The following DMKN variants were observed in gnomAD, a reference collection of about 807,000 sequenced individuals.
The protein encoded by DMKN is dermokine.
Under a neutral mutation model 67.6 loss-of-function variants are expected in DMKN, and 58 were observed. The ratio of observed to expected loss-of-function variants is 0.86; its 90% CI spans 0.69 to 1.07. The LOEUF (loss-of-function observed/expected upper bound fraction) is 1.07. Among genes scored for constraint, DMKN ranks in the 50% least tolerant of loss-of-function variants. The pLI is 0.00. For synonymous variants in DMKN, 240 were observed against 232.3 expected (o/e 1.03, Z -0.30); for missense variants, 596 against 601.5 (o/e 0.99, Z 0.10).
At chr19:35,501,194 C>A (rs1398199679) in intron 11 of DMKN, among the ~76,000 whole-genome samples, 1 of 152,180 alleles carries the variant, frequency 6.6e-6, no homozygotes, top group Non-Finnish European at 1.5e-5. Context: ...GGCTTCTCCA[C>A]TTGGACCGTC....
At chr19:35,510,651 G>A (rs2070587660) in intron 5 of DMKN, 2 of 1,220,560 alleles carry the variant, frequency 1.6e-6, no homozygotes, top group South Asian at 3.1e-5. Flanking sequence ...CTAGATGGGG[G>A]AGAGGAGGAT....
intron 11 of DMKN, among the ~76,000 whole-genome samples, chr19:35,500,989 G>A (rs1176490135): frequency 1.3e-5 from 2 of 152,226 alleles, no homozygotes; most frequent in East Asian, 1.9e-4. Flanking sequence ...CCCACAGGGT[G>A]CTTGAAGGAG....
chr19:35,507,357 GC>G, intron 7 of DMKN: 1 of 1,209,794 alleles, frequency 8.3e-7, no homozygotes, highest in Non-Finnish European at 1.2e-6. Flanking sequence ...ATTCAGAGCA[GC>G]TTGCAAGAAG....
At chr19:35,506,711 A>C in intron 7 of DMKN, 1 of 338,100 alleles carries the variant, frequency 3.0e-6, no homozygotes, top group South Asian at 2.3e-5. Context: ...TGATTTTAAT[A>C]TATATCTTAA....
At position 35,511,474 on chromosome 19, in the gene DMKN, G is replaced by C. The variant is rs761359169; in HGVS notation, c.855C>G (p.Ser285Arg). 8 of 934,684 alleles carry C rather than the reference G, an allele frequency of 8.6e-6. No individual in the cohort carries two copies. The highest frequency in any genetic ancestry group is 8.5e-6 in the Non-Finnish European group (6 of 705,600). 57.9% of individuals were successfully genotyped at this position (934,684 alleles called of 1,614,324 possible). A position where few individuals can be genotyped will look rare whatever the true frequency, so the allele number is the denominator to read the frequency against. ...GSSSGGSSGG[S>R]SGGSSGNSGG... ...CACTGTTGCCACTGCTGCCACCACTGCTGCCGCCACTGCTGCCGCCACTGC... is the reference window on the plus strand; with the variant it reads ...CACTGTTGCCACTGCTGCCACCACTCCTGCCGCCACTGCTGCCGCCACTGC... The change falls in exon 5 of 16, where the codon AGC becomes AGG. Residue 285 changes from serine to arginine, a missense_variant. Ser to Arg is a moderately radical substitution (Grantham distance 110). Transcript: ENST00000339686.
At chr19:35,500,635 G>T in intron 11 of DMKN, 55 bp from the exon 12 acceptor site, 1 of 1,557,120 alleles carries the variant, frequency 6.4e-7, no homozygotes, top group Non-Finnish European at 8.7e-7. Flanking sequence ...GGGCATTGCC[G>T]GGCTTTCAGA....
chr19:35,511,620 G>A (rs755360129), intron 4 of DMKN, 27 bp from the exon 5 acceptor site: 7 of 1,609,090 alleles, frequency 4.4e-6, no homozygotes, highest in South Asian at 3.3e-5. Flanking sequence ...GAGCAGGGCT[G>A]GGATTAAAGA....
chr19:35,501,917 C>T (rs2145911749), intron 11 of DMKN: 1 of 1,567,998 alleles, frequency 6.4e-7, no homozygotes, highest in East Asian at 2.4e-5. Flanking sequence ...CTTGTGGAGG[C>T]CCCAGCCCTC....
intron 11 of DMKN, among the ~76,000 whole-genome samples, chr19:35,500,860 GC>G (rs1223677430): frequency 6.6e-6 from 1 of 152,228 alleles, no homozygotes; most frequent in Non-Finnish European, 1.5e-5. Context: ...CAAGTGAGCT[GC>G]AGCCATGCAG....
At chr19:35,501,522 T>C (rs2068358916) in intron 11 of DMKN, among the ~76,000 whole-genome samples, 1 of 152,208 alleles carries the variant, frequency 6.6e-6, no homozygotes, top group Admixed American at 6.5e-5. Flanking sequence ...TCCAGCCTCA[T>C]ATACTTGGCA....
rs1382580036 is a variant in DMKN, at chr19:35,510,241, G to A, written c.930C>T (p.Thr310=). ...SGSESSWGSS[T]GSSSGNHGGS... ...CACCGTGGTTGCCGGAGGAGGAGCC[G>A]GTGCTGGATCCCTGCAGGGGAAAGC... Residue 310 remains threonine, a synonymous_variant, in exon 6 of 16, where the codon ACC becomes ACT. Coordinates refer to ENST00000339686, the MANE Select transcript of DMKN (RefSeq NM_033317.5). The A allele has an allele frequency of 6.2e-7, 1 of 1,605,492 alleles. No homozygotes were observed.
intron 7 of DMKN, chr19:35,507,385 T>C (rs375943129): frequency 6.9e-7 from 1 of 1,445,328 alleles, no homozygotes; most frequent in African/African-American, 1.4e-5. Flanking sequence ...ATATTTTTGT[T>C]TCTTTTCCCA....
chr19:35,510,196 T>C lies in DMKN; in HGVS notation c.975A>G (p.Gly325=), dbSNP rs1324467728. ...GNHGGSGGGN[G]HKPGCEKPGN... Reference sequence around the variant, plus strand: ...GCCAGCCACTCACCCCGGGTTTATGTCCATTTCCTCCGCCGCTCCCACCGT... The same window carrying C: ...GCCAGCCACTCACCCCGGGTTTATGCCCATTTCCTCCGCCGCTCCCACCGT... Residue 325 remains glycine, a synonymous_variant, in exon 6 of 16, where the codon GGA becomes GGG. Coordinates refer to ENST00000339686, the MANE Select transcript of DMKN (RefSeq NM_033317.5). 8.7e-6 allele frequency: 14 copies of C among 1,608,454 alleles called. No individual in the cohort carries two copies. Among genetic ancestry groups the C allele is most frequent in the Non-Finnish European group, 1.1e-5 (13 of 1,177,744 alleles).
intron 2 of DMKN, 33 bp downstream of exon 2, chr19:35,512,557 G>A (rs2071024612): frequency 6.2e-7 from 1 of 1,614,018 alleles, no homozygotes; most frequent in Non-Finnish European, 8.5e-7. Flanking sequence ...GAGGGAGGGA[G>A]GTGGCAGGTA....
chr19:35,502,704 C>CA (rs56149700), intron 10 of DMKN, 126 bp downstream of exon 10: 59,859 of 680,576 alleles, frequency 0.088, no homozygotes, highest in East Asian at 0.11. Context: ...GACTCTGTCT[C>CA]AAAAAAAAAA....
chr19:35,501,237 G>A (rs1025091894), intron 11 of DMKN, among the ~76,000 whole-genome samples: 1 of 152,136 alleles, frequency 6.6e-6, no homozygotes, highest in African/African-American at 2.4e-5. Context: ...GAGTGACAGT[G>A]AAGTCCTGAC....
intron 4 of DMKN, 54 bp from the exon 5 acceptor site, chr19:35,511,647 G>C: frequency 6.3e-7 from 1 of 1,596,148 alleles, no homozygotes; most frequent in East Asian, 2.2e-5. Context: ...ACCAAGACGG[G>C]CCCCTCCTCC....
chr19:35,512,364 C>T lies in DMKN; in HGVS notation c.684+57G>A. 5 of 1,590,028 alleles carry T rather than the reference C, an allele frequency of 3.1e-6. No individual in the cohort carries two copies. The South Asian group carries it at 5.8e-5, about 18-fold the overall frequency. ...TGCTTTCCTCTTTGTCTTTCCCCAG[C>T]TCTCTGTAGCCTGCACCCAGTGGCT... On this transcript the variant is annotated intron_variant, in intron 3 of 15. Coordinates refer to ENST00000339686, the MANE Select transcript of DMKN (RefSeq NM_033317.5).
At chr19:35,504,527 G>A (rs992599511) in intron 9 of DMKN, among the ~76,000 whole-genome samples, 29 of 144,490 alleles carry the variant, frequency 2.0e-4, no homozygotes, top group African/African-American at 7.6e-4. Flanking sequence ...GCATTGAGCT[G>A]AGATCGAACC....
Sources: allele counts gnomAD v4.1 joint callset (sites outside exome capture counted in the v4.1 genomes callset), GRCh38; gene constraint gnomAD v4.1.1; transcripts MANE v1.5; gene names NCBI Gene and HGNC (gene_info 2026-07-23, HGNC 2026-07-21).